NMT2: variants seen among roughly 807,000 people sequenced by gnomAD.
NMT2 encodes glycylpeptide N-tetradecanoyltransferase 2.
NMT2 carries 35 observed loss-of-function variants against 65.4 expected under a neutral mutation model. The ratio of observed to expected loss-of-function variants is 0.54; its 90% confidence interval spans 0.41 to 0.71. The LOEUF is 0.71. NMT2 is among the 30% of genes least tolerant of loss of function. The probability of loss-of-function intolerance (pLI) is 0.00; values close to 1 mark genes in which losing one functional copy is unlikely to be tolerated. For synonymous variants in NMT2, 226 were observed against 231.8 expected, an observed-to-expected ratio of 0.98 and a Z score of 0.23; for missense variants, 489 against 611.3, an observed-to-expected ratio of 0.80 and a Z score of 2.11.
chr10:15,152,344 T>G (rs1233286034), intron 1 of NMT2, among the ~76,000 whole-genome samples: 1 of 152,144 alleles, frequency 6.6e-6, no homozygotes, highest in East Asian at 1.9e-4. Context: ...AACAAATAAA[T>G]TTTTTAAAAG....
chr10:15,115,413 T>C (rs558267003), intron 9 of NMT2, among the ~76,000 whole-genome samples: 147 of 152,310 alleles, frequency 9.7e-4, no homozygotes, highest in African/African-American at 3.3e-3. Context: ...CATATATATA[T>C]TGTAATACTC....
chr10:15,166,526 C>A (rs975800363), intron 1 of NMT2, among the ~76,000 whole-genome samples: 17 of 152,220 alleles, frequency 1.1e-4, no homozygotes, highest in Admixed American at 9.8e-4. Context: ...AAATTTGGCA[C>A]ACATTGTCTA....
At position 15,168,674 on chromosome 10, in the gene NMT2, C is replaced by G. The variant is rs1167686972; in HGVS notation, c.-62G>C. 7.8e-7 allele frequency: 1 copy of G among 1,280,858 alleles called. No individual in the cohort carries two copies. Among genetic ancestry groups the G allele is most frequent in the Non-Finnish European group, 1.1e-6 (1 of 930,958 alleles). The allele number at this position is 1,280,858 out of a possible 1,614,324, so 79.3% of individuals were successfully genotyped here. On this transcript the variant is annotated 5_prime_UTR_variant, in exon 1 of 12. Transcript: ENST00000378165. ...CGGGCCGGAGCGGCCGCAGCTCCCT[C>G]TAGTGCCTCCCGCCGTACTGCTTGG...
chr10:15,168,639 T>C lies in NMT2; in HGVS notation c.-27A>G, dbSNP rs371163419. On this transcript the variant is annotated 5_prime_UTR_variant, in exon 1 of 12. Transcript: ENST00000378165. ...GCGGCGGCGCTGGCTGGGGAGGCGG[T>C]GCTCGGGGCCGGGCCGGAGCGGCCG... is the stretch of plus-strand genomic sequence containing the variant. 79 of 1,551,230 alleles carry C rather than the reference T, an allele frequency of 5.1e-5. No individual in the cohort carries two copies. In the African/African-American group the frequency reaches 9.4e-4, roughly 18 times the overall value.
Position 15,107,844 on chromosome 10 carries a change from AAC to A in NMT2, c.*1349_*1350del, listed in dbSNP as rs1845358828. 2 of 985,756 alleles carry A rather than the reference AAC, an allele frequency of 2.0e-6. No homozygotes were observed. Among genetic ancestry groups the A allele is most frequent in the Non-Finnish European group, 2.4e-6 (2 of 829,946 alleles). The allele number at this position is 985,756 out of a possible 1,614,324, so 61.1% of individuals were successfully genotyped here. A position where few individuals can be genotyped will look rare whatever the true frequency, so the allele number is the denominator to read the frequency against. On this transcript the variant is annotated 3_prime_UTR_variant, in exon 12 of 12. Transcript: ENST00000378165. The stretch of plus-strand genomic sequence containing the variant: ...TTTCCCGCAGATTATTGGCAATATA[AAC>A]ACACATCTGTAAGCCATGAAAGTTT...
intron 1 of NMT2, among the ~76,000 whole-genome samples, chr10:15,160,828 C>A (rs1442988816): frequency 6.6e-6 from 1 of 151,632 alleles, no homozygotes; most frequent in Admixed American, 6.6e-5. Context: ...ACATGGAAAC[C>A]CTTTGGTAAT....
chr10:15,160,973 T>C (rs1170570149), intron 1 of NMT2, among the ~76,000 whole-genome samples: 1 of 149,424 alleles, frequency 6.7e-6, no homozygotes, highest in Non-Finnish European at 1.5e-5. Flanking sequence ...CTCACACCTG[T>C]AGTCCCAGCA....
chr10:15,133,551 G>C (rs1353295221), intron 3 of NMT2, among the ~76,000 whole-genome samples, 188 bp from the exon 4 acceptor site: 1 of 152,170 alleles, frequency 6.6e-6, no homozygotes, highest in African/African-American at 2.4e-5. Flanking sequence ...AAGCTAGGCA[G>C]TGGTGTGAAA....
chr10:15,166,320 T>A (rs1487638394), intron 1 of NMT2, among the ~76,000 whole-genome samples: 1 of 152,200 alleles, frequency 6.6e-6, no homozygotes, highest in African/African-American at 2.4e-5. Flanking sequence ...CTTTAAGAGG[T>A]GAAACATGTT....
At position 15,154,845 on chromosome 10, in the gene NMT2, C is replaced by T. The variant is rs575520023; in HGVS notation, c.111-13288G>A. 2.1e-5 allele frequency: 16 copies of T among 779,124 alleles called. No homozygotes were observed. The East Asian group carries it at 4.3e-4, about 21-fold the overall frequency. 48.3% of individuals were successfully genotyped at this position (779,124 alleles called of 1,614,324 possible). A position where few individuals can be genotyped will look rare whatever the true frequency, so the allele number is the denominator to read the frequency against. On this transcript the variant is annotated intron_variant, in intron 1 of 11. Transcript: ENST00000378165. ...AGTGGTGATCTTCTTCCTGCTCTTG[C>T]CATTCTTGGACCCATAGCGCTTCAT...
chr10:15,165,230 A>C (rs1027921705), intron 1 of NMT2, among the ~76,000 whole-genome samples: 1 of 152,070 alleles, frequency 6.6e-6, no homozygotes, highest in African/African-American at 2.4e-5. Flanking sequence ...GCAGAACAGA[A>C]ATCTTCAGTA....
At position 15,165,501 on chromosome 10, in the gene NMT2, C is replaced by T. The variant is rs561662498; in HGVS notation, c.110+3002G>A. 2.6e-5 allele frequency among the ~76,000 whole-genome samples: 4 copies of T among 152,278 alleles called. No homozygotes were observed. In the South Asian group the frequency reaches 8.3e-4, roughly 32 times the overall value. ...AGTCTCACTAATTAAAACTGACAAT[C>T]CCTTCTTCCCCCATGTTTTTTGTAA... On this transcript the variant is annotated intron_variant, in intron 1 of 11. Transcript: ENST00000378165.
chr10:15,112,208 ATATATATATTTTTTTTTTTTTTTTTTTTT>A (rs1327078203), intron 10 of NMT2, among the ~76,000 whole-genome samples: 2 of 18,406 alleles, frequency 1.1e-4, no homozygotes, highest in Non-Finnish European at 1.7e-4. Context: ...ATATATATAT[ATATATATATTTTTTTTTTTTTTTTTTTTT>A]TTTTTTTTTT....
At chr10:15,125,156 G>C (rs1846035707) in intron 8 of NMT2, among the ~76,000 whole-genome samples, 1 of 152,168 alleles carries the variant, frequency 6.6e-6, no homozygotes. Context: ...CTGTAAAATG[G>C]GGATAAGAAG....
At chr10:15,147,316 G>A (rs1207762573) in intron 1 of NMT2, among the ~76,000 whole-genome samples, 1 of 151,972 alleles carries the variant, frequency 6.6e-6, no homozygotes, top group Non-Finnish European at 1.5e-5. Context: ...CCAAGTTCCT[G>A]CATGGAAAAT....
chr10:15,164,182 C>CAAAA (rs34847914), intron 1 of NMT2, among the ~76,000 whole-genome samples: 1 of 69,868 alleles, frequency 1.4e-5, no homozygotes, highest in Non-Finnish European at 2.7e-5. Context: ...GAATTGGTCT[C>CAAAA]AAAAAAAAAA....
Position 15,107,976 on chromosome 10 carries a change from A to G in NMT2, c.*1219T>C, listed in dbSNP as rs2131449627. On this transcript the variant is annotated 3_prime_UTR_variant, in exon 12 of 12. Coordinates refer to ENST00000378165, the MANE Select transcript of NMT2 (RefSeq NM_004808.3). ...GACACATGACAGTTTTCATGATAAA[A>G]TCAGCATAGAGGAGTATGTGCAATT... 1 of 985,694 alleles carries G rather than the reference A, an allele frequency of 1.0e-6. No homozygotes were observed. Among genetic ancestry groups the G allele is most frequent in the Non-Finnish European group, 1.2e-6 (1 of 829,776 alleles). The allele number at this position is 985,694 out of a possible 1,614,324, so 61.1% of individuals were successfully genotyped here. A position where few individuals can be genotyped will look rare whatever the true frequency, so the allele number is the denominator to read the frequency against.
chr10:15,147,095 CAAAAAAAAAAAAAAAAAAAAAAAAAA>C (rs34668178), intron 1 of NMT2, among the ~76,000 whole-genome samples: 1 of 44,490 alleles, frequency 2.2e-5, no homozygotes. Flanking sequence ...CTCTCGCTCT[CAAAAAAAAAAAAAAAAAAAAAAAAAA>C]AAAAAAAAAA....
At chr10:15,120,796 T>A (rs1050453171) in intron 8 of NMT2, among the ~76,000 whole-genome samples, 24 of 152,204 alleles carry the variant, frequency 1.6e-4, no homozygotes, top group African/African-American at 5.8e-4. Context: ...GCAAACGGGT[T>A]TACAGCCATA....
Sources: allele counts gnomAD v4.1 joint callset (sites outside exome capture counted in the v4.1 genomes callset), GRCh38; gene constraint gnomAD v4.1.1; transcripts MANE v1.5; gene names NCBI Gene and HGNC (gene_info 2026-07-23, HGNC 2026-07-21).